Variants in ABHD17C observed in about 807,000 individuals in gnomAD.
The protein encoded by ABHD17C is alpha/beta hydrolase domain-containing protein 17C.
Under a neutral mutation model 27.9 loss-of-function variants are expected in ABHD17C, and 11 were observed. The observed-to-expected ratio is 0.39, with a 90% CI of 0.25 to 0.65. ABHD17C has a LOEUF of 0.65. Ranked by LOEUF, ABHD17C falls within the 30% of genes least tolerant of loss-of-function variation. ABHD17C has a pLI of 0.45. For missense variants in ABHD17C, 280 were observed against 470.2 expected (o/e 0.60, Z 3.74); for synonymous variants, 233 against 209.1 (o/e 1.11, Z -0.98).
intron 1 of ABHD17C, among the ~76,000 whole-genome samples, chr15:80,710,236 G>A (rs185705584): frequency 7.2e-4 from 109 of 152,264 alleles, no homozygotes; most frequent in Admixed American, 2.4e-3. Flanking sequence ...GGAAGCCAGC[G>A]GGGGGCTAGA....
At chr15:80,713,085 CTT>C (rs1555422285) in intron 1 of ABHD17C, among the ~76,000 whole-genome samples, 6 of 143,998 alleles carry the variant, frequency 4.2e-5, no homozygotes, top group Admixed American at 7.0e-5. Flanking sequence ...CTTTGTAAGT[CTT>C]TTTTTTTTTT....
intron 1 of ABHD17C, among the ~76,000 whole-genome samples, chr15:80,734,929 C>T (rs1895108883): frequency 6.6e-6 from 1 of 152,178 alleles, no homozygotes; most frequent in Non-Finnish European, 1.5e-5. Flanking sequence ...ACACCAAGCC[C>T]TTTTGTAAGT....
intron 1 of ABHD17C, among the ~76,000 whole-genome samples, chr15:80,733,693 G>T (rs950047969): frequency 2.6e-5 from 4 of 152,158 alleles, no homozygotes; most frequent in African/African-American, 9.7e-5. Flanking sequence ...ACAGTCATTT[G>T]CAAGTCAGTG....
chr15:80,699,549 C>G (rs1257795185), intron 1 of ABHD17C, among the ~76,000 whole-genome samples: 1 of 152,200 alleles, frequency 6.6e-6, no homozygotes, highest in Non-Finnish European at 1.5e-5. Context: ...TTGTATGTCT[C>G]TACATCTTTT....
chr15:80,753,603 A>C (rs1895392861), intron 2 of ABHD17C, among the ~76,000 whole-genome samples: 1 of 152,046 alleles, frequency 6.6e-6, no homozygotes, highest in African/African-American at 2.4e-5. Flanking sequence ...GTGCAGTGGC[A>C]CGATCTCAGC....
chr15:80,738,753 G>A lies in ABHD17C; in HGVS notation c.591-10760G>A, dbSNP rs571096722. On this transcript the variant is annotated intron_variant, in intron 1 of 2. Coordinates refer to ENST00000258884, the MANE Select transcript of ABHD17C (RefSeq NM_021214.2). Reference sequence around the variant, plus strand: ...GTTTGGGAGATGTTACATGTGAAGGGATGGGGTGCTCAGGAGGAAGCATCA... The same window carrying A: ...GTTTGGGAGATGTTACATGTGAAGGAATGGGGTGCTCAGGAGGAAGCATCA... Among the ~76,000 whole-genome samples the A allele has an allele frequency of 6.7e-4, 102 of 152,270 alleles. 1 individual carries two copies. Among genetic ancestry groups the A allele is most frequent in the African/African-American group, 2.4e-3 (99 of 41,562 alleles).
Position 80,695,322 on chromosome 15 carries a change from C to A in ABHD17C, c.-108C>A. 1 of 689,344 alleles carries A rather than the reference C, an allele frequency of 1.5e-6. No individual in the cohort carries two copies. The highest frequency in any genetic ancestry group is 1.9e-6 in the Non-Finnish European group (1 of 537,006). The allele number at this position is 689,344 out of a possible 1,614,324, so 42.7% of individuals were successfully genotyped here. A position where few individuals can be genotyped will look rare whatever the true frequency, so the allele number is the denominator to read the frequency against. On this transcript the variant is annotated 5_prime_UTR_variant, in exon 1 of 3. Coordinates refer to ENST00000258884, the MANE Select transcript of ABHD17C (RefSeq NM_021214.2). The surrounding 1 kb of genome is among the most constrained non-coding windows in gnomAD (Gnocchi z 4.3). ...CCGCCGGGCGGGCGGGCTGCAGCCG[C>A]CCTCCGCGCTCGCCTGCCAGCTCCC...
At position 80,749,684 on chromosome 15, in the gene ABHD17C, T is replaced by C. The variant is rs374372299; in HGVS notation, c.762T>C (p.Ala254=). 2 of 1,613,746 alleles carry C rather than the reference T, an allele frequency of 1.2e-6. No homozygotes were observed. Among genetic ancestry groups the C allele is most frequent in the African/African-American group, 1.3e-5 (1 of 74,938 alleles). The change falls in exon 2 of 3, where the codon GCT becomes GCC. Residue 254 remains alanine, a synonymous_variant. Coordinates refer to ENST00000258884, the MANE Select transcript of ABHD17C (RefSeq NM_021214.2). ...PDTRKTYCFD[A]FPSIDKISKV... is the part of the protein sequence containing the mutation. The stretch of plus-strand genomic sequence containing the variant: ...CCAGGAAAACATACTGCTTTGATGC[T>C]TTCCCCAGGTAAGTTCATGCTTGTC...
chr15:80,728,540 G>A (rs1596068042), intron 1 of ABHD17C, among the ~76,000 whole-genome samples: 1 of 152,186 alleles, frequency 6.6e-6, no homozygotes, highest in Non-Finnish European at 1.5e-5. Context: ...AGATCTAAAG[G>A]CAGGTAAATC....
intron 1 of ABHD17C, among the ~76,000 whole-genome samples, chr15:80,727,302 TGTTAGA>T (rs1894995366): frequency 6.6e-6 from 1 of 152,156 alleles, no homozygotes; most frequent in Non-Finnish European, 1.5e-5. Context: ...GGAGAGGGCG[TGTTAGA>T]GTATCTGGTT....
intron 2 of ABHD17C, among the ~76,000 whole-genome samples, chr15:80,750,726 C>T (rs1007462074): frequency 5.9e-5 from 9 of 152,038 alleles, no homozygotes; most frequent in Middle Eastern, 3.2e-3. Context: ...TTTATAGTGG[C>T]GTGGCTGGGA....
At chr15:80,734,387 G>A (rs191443849) in intron 1 of ABHD17C, among the ~76,000 whole-genome samples, 2 of 152,254 alleles carry the variant, frequency 1.3e-5, no homozygotes, top group Admixed American at 1.3e-4. Flanking sequence ...GTAGAGAGAA[G>A]GCAGCATTTT....
At position 80,721,213 on chromosome 15, in the gene ABHD17C, CTTT is replaced by C. The variant is rs71455351; in HGVS notation, c.590+25205_590+25207del. ...TTTGTGTTTACCCATCATTTTTTGT[CTTT>C]TTTTTTTTTTAACTCTTTGACTTCC... On this transcript the variant is annotated intron_variant, in intron 1 of 2. Transcript: ENST00000258884. Among the ~76,000 whole-genome samples the C allele has an allele frequency of 9.2e-4, 132 of 143,152 alleles. No individual in the cohort carries two copies. The South Asian group carries it at 0.027, about 30-fold the overall frequency. The allele number at this position is 143,152 out of a possible 152,430, so 93.9% of individuals were successfully genotyped here. A position where few individuals can be genotyped will look rare whatever the true frequency, so the allele number is the denominator to read the frequency against.
chr15:80,718,322 AT>A (rs1242051313), intron 1 of ABHD17C, among the ~76,000 whole-genome samples: 1 of 151,362 alleles, frequency 6.6e-6, no homozygotes, highest in African/African-American at 2.4e-5. Flanking sequence ...ATTTTATTTT[AT>A]TTTTAAATTT....
chr15:80,730,608 A>G (rs1415085119), intron 1 of ABHD17C, among the ~76,000 whole-genome samples: 1 of 152,250 alleles, frequency 6.6e-6, no homozygotes, highest in Non-Finnish European at 1.5e-5. Context: ...GCCAAAGAAA[A>G]GTCATTAGCA....
chr15:80,734,728 T>G (rs958816872), intron 1 of ABHD17C, among the ~76,000 whole-genome samples: 1 of 152,200 alleles, frequency 6.6e-6, no homozygotes, highest in Admixed American at 6.5e-5. Context: ...GAAGGTAGAT[T>G]TTGACATGAC....
chr15:80,716,647 G>A (rs1420814375), intron 1 of ABHD17C, among the ~76,000 whole-genome samples: 1 of 152,142 alleles, frequency 6.6e-6, no homozygotes, highest in Non-Finnish European at 1.5e-5. Flanking sequence ...CAGATACTTG[G>A]AAACTGCTGG....
intron 1 of ABHD17C, among the ~76,000 whole-genome samples, chr15:80,740,213 A>C (rs1895191226): frequency 6.6e-6 from 1 of 152,094 alleles, no homozygotes; most frequent in Admixed American, 6.6e-5. Flanking sequence ...TTCCACTTGC[A>C]ACAGGACACT....
intron 1 of ABHD17C, among the ~76,000 whole-genome samples, chr15:80,738,430 G>A (rs890420874): frequency 2.0e-5 from 3 of 152,156 alleles, no homozygotes; most frequent in Non-Finnish European, 4.4e-5. Flanking sequence ...GGATGGAGAT[G>A]TTCATCATTG....
Sources: gnomAD v4.1 joint callset for allele counts (sites outside exome capture counted in the v4.1 genomes callset) on GRCh38, gnomAD v4.1.1 for gene constraint, Gnocchi (gnomAD v3.1) non-coding constraint, MANE v1.5 for transcripts, NCBI Gene and HGNC (gene_info 2026-07-23, HGNC 2026-07-21) for gene names.